Variants in DENND1A observed in about 807,000 individuals in gnomAD.
The protein encoded by DENND1A is DENN domain containing 1A.
Under a neutral mutation model 113.7 loss-of-function variants are expected in DENND1A, and 51 were observed. The observed-to-expected ratio is 0.45, with a 90% CI of 0.36 to 0.57. DENND1A has a LOEUF of 0.57. Ranked by LOEUF, DENND1A falls within the 20% of genes least tolerant of loss-of-function variation. The probability of loss-of-function intolerance (pLI) is 0.00; values close to 1 mark genes in which losing one functional copy is unlikely to be tolerated. For synonymous variants in DENND1A, 565 were observed against 570.8 expected (o/e 0.99, Z 0.14); for missense variants, 1,258 against 1,395.9 (o/e 0.90, Z 1.57).
chr9:123,561,994 C>G (rs1227692564), intron 12 of DENND1A, among the ~76,000 whole-genome samples: 1 of 152,196 alleles, frequency 6.6e-6, no homozygotes, highest in Non-Finnish European at 1.5e-5. Flanking sequence ...CTGGCCCAGA[C>G]TAGTGGAGCG....
intron 9 of DENND1A, among the ~76,000 whole-genome samples, chr9:123,651,149 A>C (rs937940237): frequency 6.6e-6 from 1 of 151,920 alleles, no homozygotes; most frequent in Non-Finnish European, 1.5e-5. Context: ...AGGAATATAA[A>C]AATATTTATA....
chr9:123,615,847 A>C (rs574980207), intron 10 of DENND1A, among the ~76,000 whole-genome samples: 2 of 152,350 alleles, frequency 1.3e-5, no homozygotes, highest in East Asian at 3.9e-4. Context: ...TTTACTGAGC[A>C]CACACCACAT....
chr9:123,453,528 G>A (rs2047891316), intron 16 of DENND1A, among the ~76,000 whole-genome samples: 1 of 152,174 alleles, frequency 6.6e-6, no homozygotes, highest in Non-Finnish European at 1.5e-5. Flanking sequence ...GATGGGGCCA[G>A]CTCGTGAAGG....
chr9:123,548,742 C>T (rs1029432339), intron 13 of DENND1A, among the ~76,000 whole-genome samples: 21 of 152,200 alleles, frequency 1.4e-4, no homozygotes, highest in African/African-American at 4.6e-4. Context: ...TTAAAGAGGG[C>T]TGAAGTTCTG....
chr9:123,667,225 C>A, intron 7 of DENND1A, 146 bp from the exon 8 acceptor site: 2 of 785,252 alleles, frequency 2.5e-6, no homozygotes, highest in South Asian at 1.8e-5. Context: ...GGAATATTTT[C>A]TTTGGATAAT....
At chr9:123,399,737 G>C (rs966536632) in intron 21 of DENND1A, among the ~76,000 whole-genome samples, 4 of 152,212 alleles carry the variant, frequency 2.6e-5, no homozygotes, top group Admixed American at 2.0e-4. Flanking sequence ...ATGTGGAGCT[G>C]TCTCTCTGGG....
At position 123,480,297 on chromosome 9, in the gene DENND1A, G is replaced by A. The variant is rs1292294513; in HGVS notation, c.994-22400C>T. Among the ~76,000 whole-genome samples, 5 of 151,948 alleles carry A rather than the reference G, an allele frequency of 3.3e-5. No individual in the cohort carries two copies. The East Asian group carries it at 7.7e-4, about 23-fold the overall frequency. ...GGCACCACTCTGGACATGTGCTCAC[G>A]CCACACCTGCGGAAGCCCGGCACTG... On this transcript the variant is annotated intron_variant, in intron 13 of 23. Coordinates refer to ENST00000394215, the MANE Select transcript of DENND1A (RefSeq NM_001352964.2).
rs755189353 is a variant in DENND1A at position 123,383,932 on chromosome 9, G to C, written c.1761-19C>G. On this transcript the variant is annotated intron_variant, in intron 22 of 23. Transcript: ENST00000394215. ...CTGCGGCCTGTCGGGGACAGAGCAG[G>C]CTGCACTCTCCCACCCAGGCCTTCA... 2.5e-6 allele frequency: 4 copies of C among 1,596,492 alleles called. No individual in the cohort carries two copies. In the Admixed American group the frequency reaches 5.0e-5, roughly 20 times the overall value.
intron 2 of DENND1A, among the ~76,000 whole-genome samples, chr9:123,845,690 A>T (rs1299793890): frequency 6.7e-6 from 1 of 148,228 alleles, no homozygotes; most frequent in Non-Finnish European, 1.5e-5. Flanking sequence ...AAAAAAAAAA[A>T]AAAAAGAGGA....
Position 123,381,950 on chromosome 9 carries a change from T to A in DENND1A, c.2695A>T (p.Met899Leu), listed in dbSNP as rs181525590. The A allele has an allele frequency of 2.7e-5, 39 of 1,445,344 alleles. No homozygotes were observed. The highest frequency in any genetic ancestry group is 1.1e-5 in the Non-Finnish European group (12 of 1,100,946). 89.5% of individuals were successfully genotyped at this position (1,445,344 alleles called of 1,614,324 possible). A position where few individuals can be genotyped will look rare whatever the true frequency, so the allele number is the denominator to read the frequency against. Residue 899 changes from methionine (M) to leucine (L), a missense_variant, in exon 24 of 24, where the codon ATG becomes TTG. Transcript: ENST00000394215. This position sits in a 1 kb window ranked among gnomAD's most constrained non-coding sequence, Gnocchi z 4.7. ...GGCAGGGTGGGTGGGGCTGCTGGCA[T>A]GGATGGGACAAAGGGGTTGAGTGGT... ...QPPLNPFVPS[M>L]PAAPPTLPLV...
At chr9:123,645,598 C>T (rs929368604) in intron 9 of DENND1A, among the ~76,000 whole-genome samples, 7 of 152,190 alleles carry the variant, frequency 4.6e-5, no homozygotes, top group Admixed American at 2.6e-4. Flanking sequence ...CTGCCAACTG[C>T]ACGTGACATA....
intron 19 of DENND1A, among the ~76,000 whole-genome samples, chr9:123,420,515 C>T (rs927307797): frequency 3.9e-5 from 6 of 152,136 alleles, no homozygotes; most frequent in Admixed American, 2.0e-4. Context: ...CCGGAGAGAG[C>T]GCGCTCAGGA....
At chr9:123,822,723 A>G (rs1838681755) in intron 2 of DENND1A, among the ~76,000 whole-genome samples, 1 of 152,214 alleles carries the variant, frequency 6.6e-6, no homozygotes, top group South Asian at 2.1e-4. Context: ...TCACACACAG[A>G]AAGTTTCAGA....
At chr9:123,896,494 G>A (rs1850783290) in intron 1 of DENND1A, among the ~76,000 whole-genome samples, 1 of 152,076 alleles carries the variant, frequency 6.6e-6, no homozygotes, top group South Asian at 2.1e-4. Context: ...TGAGCTCACT[G>A]GCAAAAATCA....
chr9:123,532,611 T>C (rs1246871131), intron 13 of DENND1A, among the ~76,000 whole-genome samples: 1 of 152,236 alleles, frequency 6.6e-6, no homozygotes, highest in African/African-American at 2.4e-5. Context: ...GTAGGCTCTA[T>C]GTCTTTTATC....
chr9:123,729,018 C>T (rs143425441), intron 5 of DENND1A, among the ~76,000 whole-genome samples: 11,761 of 152,206 alleles, frequency 0.077, 507 homozygotes, highest in Admixed American at 0.11. Flanking sequence ...ACAAAATCCA[C>T]ATGATTATCT....
intron 10 of DENND1A, among the ~76,000 whole-genome samples, chr9:123,610,264 C>A (rs548949955): frequency 2.6e-5 from 4 of 152,268 alleles, no homozygotes; most frequent in South Asian, 2.1e-4. Flanking sequence ...ATTTATGTTA[C>A]CTACCAATAA....
At chr9:123,602,590 C>T (rs1413285981) in intron 11 of DENND1A, among the ~76,000 whole-genome samples, 1 of 152,244 alleles carries the variant, frequency 6.6e-6, no homozygotes, top group Non-Finnish European at 1.5e-5. Context: ...ATGTTAAAGT[C>T]TCCTCCAACC....
At chr9:123,900,408 A>G (rs1458993155) in intron 1 of DENND1A, among the ~76,000 whole-genome samples, 1 of 152,212 alleles carries the variant, frequency 6.6e-6, no homozygotes, top group African/African-American at 2.4e-5. Context: ...ACACACTATG[A>G]GAAAGACAAT....
Sources: allele counts gnomAD v4.1 joint callset (sites outside exome capture counted in the v4.1 genomes callset), GRCh38; gene constraint gnomAD v4.1.1; non-coding constraint Gnocchi (gnomAD v3.1); transcripts MANE v1.5; gene names NCBI Gene and HGNC (gene_info 2026-07-23, HGNC 2026-07-21).